The following MCRIP1 variants were observed in gnomAD, a reference collection of about 807,000 sequenced individuals.
MCRIP1 encodes MAPK regulated corepressor interacting protein 1.
In MCRIP1, 10 loss-of-function variants were observed where a neutral mutation model predicts 14.4. The ratio of observed to expected loss-of-function variants is 0.70; its 90% CI spans 0.43 to 1.18. The LOEUF (loss-of-function observed/expected upper bound fraction) is 1.18, where lower values mean the gene tolerates loss of function less well. Among genes scored for constraint, MCRIP1 ranks in the 50% most tolerant of loss-of-function variants. MCRIP1 has a pLI of 0.00. For missense variants in MCRIP1, 119 were observed against 135.4 expected, an observed-to-expected ratio of 0.88 and a Z score of 0.60; for synonymous variants, 53 against 55.7, an observed-to-expected ratio of 0.95 and a Z score of 0.21.
chr17:81,832,758 C>T lies in MCRIP1; in HGVS notation c.-49+480G>A, dbSNP rs191892075. On this transcript the variant is annotated intron_variant, in intron 1 of 4. Transcript: ENST00000455127. ...CTCCCCGTTAGGCCCAGCATCACCG[C>T]CCGGGGAGACGGGAAAGAGGGCAAG... Among the ~76,000 whole-genome samples, 921 of 152,368 alleles carry T rather than the reference C, an allele frequency of 6.0e-3. 6 individuals carry two copies. Among genetic ancestry groups the T allele is most frequent in the Non-Finnish European group, 0.01 (706 of 68,022 alleles).
chr17:81,830,715 G>C (rs751082278), intron 1 of MCRIP1, among the ~76,000 whole-genome samples: 1 of 151,164 alleles, frequency 6.6e-6, no homozygotes, highest in African/African-American at 2.4e-5. Flanking sequence ...AGACTGGCCT[G>C]GGCAACATAG....
chr17:81,825,576 C>A (rs950507389), intron 1 of MCRIP1: 14 of 1,288,976 alleles, frequency 1.1e-5, no homozygotes, highest in Non-Finnish European at 1.4e-5. Context: ...GGCTTCGAGT[C>A]CTCTCTGGCT....
rs549108795 is a variant in MCRIP1 at position 81,825,092 on chromosome 17, C to T, written c.-48-538G>A. On this transcript the variant is annotated intron_variant, in intron 1 of 4. Coordinates refer to ENST00000455127, the MANE Select transcript of MCRIP1 (RefSeq NM_207368.5). ...GGTGATCCCAGCTCCCCGGCACCTA[C>T]CCAGGTCCAGCTTCCTGGTTCCCTA... 10 of 1,013,896 alleles carry T rather than the reference C, an allele frequency of 9.9e-6. 1 individual carries two copies. The South Asian group carries it at 2.4e-4, about 24-fold the overall frequency. 62.8% of individuals were successfully genotyped at this position (1,013,896 alleles called of 1,614,324 possible).
chr17:81,829,564 C>T (rs2038478382), intron 1 of MCRIP1, among the ~76,000 whole-genome samples: 1 of 152,224 alleles, frequency 6.6e-6, no homozygotes, highest in South Asian at 2.1e-4. Flanking sequence ...CTGGGCTGCG[C>T]CTGACAATTG....
rs578206816 is a variant in MCRIP1, at chr17:81,824,198, G to T, written c.127+89C>A. On this transcript the variant is annotated intron_variant, in intron 3 of 4. Coordinates refer to ENST00000455127, the MANE Select transcript of MCRIP1 (RefSeq NM_207368.5). ...GGAGGGGCAGGGGCAGGGGCCGCAG[G>T]AGGTTCCTCGGAGCGTGGGTCCTGG... The T allele has an allele frequency of 9.8e-5, 103 of 1,052,326 alleles. 1 individual carries two copies. In the East Asian group the frequency reaches 2.6e-3, roughly 27 times the overall value. The allele number at this position is 1,052,326 out of a possible 1,614,324, so 65.2% of individuals were successfully genotyped here.
chr17:81,826,219 TTG>T (rs1567825535), intron 1 of MCRIP1: 17 of 1,522,602 alleles, frequency 1.1e-5, no homozygotes, highest in Admixed American at 7.9e-5. Context: ...TCCCTTTGCC[TTG>T]TGTGCACACA....
rs996821812 is a variant in MCRIP1, at chr17:81,822,838, C to G, written c.*409G>C. On this transcript the variant is annotated 3_prime_UTR_variant, in exon 5 of 5. Transcript: ENST00000455127. ...CCCTTGTCCTGTATCCTGACCACTT[C>G]AAGGACAAAACCAGCCCAGTCCCAG... 9.0e-6 allele frequency: 3 copies of G among 333,092 alleles called. No individual in the cohort carries two copies. The highest frequency in any genetic ancestry group is 6.3e-5 in the African/African-American group (3 of 47,332). 20.6% of individuals were successfully genotyped at this position (333,092 alleles called of 1,614,324 possible). A position where few individuals can be genotyped will look rare whatever the true frequency, so the allele number is the denominator to read the frequency against.
chr17:81,831,173 C>CAAAAA lies in MCRIP1; in HGVS notation c.-49+2060_-49+2064dup, dbSNP rs552681742. 2.6e-4 allele frequency among the ~76,000 whole-genome samples: 30 copies of CAAAAA among 114,040 alleles called. 1 individual carries two copies. The highest frequency in any genetic ancestry group is 1.0e-3 in the African/African-American group (29 of 28,660). 74.8% of individuals were successfully genotyped at this position (114,040 alleles called of 152,430 possible). ...GGCAACAGAGCAAGACTCTGTCTCT[C>CAAAAA]AAAAAAAAAAAAAAAAATTAGCCAG... On this transcript the variant is annotated intron_variant, in intron 1 of 4. Transcript: ENST00000455127.
At chr17:81,824,905 G>C in intron 1 of MCRIP1, 1 of 1,187,758 alleles carries the variant, frequency 8.4e-7, no homozygotes, top group African/African-American at 1.6e-5. Context: ...CACGTGGGCT[G>C]GTGGGGCCGT....
chr17:81,824,910 G>A (rs138726152), intron 1 of MCRIP1: 93,442 of 1,176,654 alleles, frequency 0.079, 4,271 homozygotes, highest in Non-Finnish European at 0.088. Context: ...GGGCTGGTGG[G>A]GCCGTCAGCA....
chr17:81,831,049 G>A lies in MCRIP1; in HGVS notation c.-49+2189C>T, dbSNP rs907039802. On this transcript the variant is annotated intron_variant, in intron 1 of 4. Coordinates refer to ENST00000455127, the MANE Select transcript of MCRIP1 (RefSeq NM_207368.5). ...TAGCTGGGCGTGGTGGCACATGCCT[G>A]TAGTCCCAGCTACTTGGGAAGCTAA... 3.9e-5 allele frequency among the ~76,000 whole-genome samples: 6 copies of A among 151,934 alleles called. No individual in the cohort carries two copies. In the East Asian group the frequency reaches 1.2e-3, roughly 29 times the overall value.
chr17:81,829,587 A>G (rs1445127162), intron 1 of MCRIP1, among the ~76,000 whole-genome samples: 1 of 152,202 alleles, frequency 6.6e-6, no homozygotes, highest in African/African-American at 2.4e-5. Context: ...AACACGTCAG[A>G]ATTTAACCAA....
At position 81,824,386 on chromosome 17, in the gene MCRIP1, C is replaced by G. The variant is rs754717613; in HGVS notation, c.28G>C (p.Val10Leu). The change falls in exon 3 of 5, where the codon GTG becomes CTG. Residue 10 changes from valine (V) to leucine (L), a missense_variant. Val to Leu is a conservative substitution (Grantham distance 32). Transcript: ENST00000455127. ...CTGCTGGTCCTCTTGCCGTTGTACA[C>G]GACTCTGGAGACGGGGGAGCTGGGG... MTSSPVSRVVYNGKRTSSPR... is the reference protein window; with the variant it reads MTSSPVSRVLYNGKRTSSPR... The G allele has an allele frequency of 5.2e-6, 8 of 1,535,470 alleles. No homozygotes were observed. The highest frequency in any genetic ancestry group is 2.4e-5 in the South Asian group (2 of 84,000).
intron 1 of MCRIP1, among the ~76,000 whole-genome samples, chr17:81,831,485 TAG>T (rs1376103567): frequency 6.6e-6 from 1 of 150,860 alleles, no homozygotes. Context: ...AACTGGAATG[TAG>T]AGTCAGCCCA....
chr17:81,830,106 C>T (rs915926810), intron 1 of MCRIP1, among the ~76,000 whole-genome samples: 2 of 152,108 alleles, frequency 1.3e-5, no homozygotes, highest in African/African-American at 4.8e-5. Context: ...CCTACAGGGC[C>T]TGGCCTACTG....
chr17:81,823,226 C>T lies in MCRIP1; in HGVS notation c.*21G>A, dbSNP rs1022524076. 7.8e-6 allele frequency: 12 copies of T among 1,535,502 alleles called. No homozygotes were observed. The East Asian group carries it at 2.0e-4, about 25-fold the overall frequency. ...CCTCGCACCCTGATCTTCCGGAGGCCGGGGAGGGGCACCGGGCGCTCTAGG... is the reference window on the plus strand; with the variant it reads ...CCTCGCACCCTGATCTTCCGGAGGCTGGGGAGGGGCACCGGGCGCTCTAGG... On this transcript the variant is annotated 3_prime_UTR_variant, in exon 5 of 5. Transcript: ENST00000455127. This position sits in a 1 kb window ranked among gnomAD's most constrained non-coding sequence, Gnocchi z 6.0.
chr17:81,826,623 C>T, intron 1 of MCRIP1: 3 of 510,580 alleles, frequency 5.9e-6, no homozygotes, highest in Admixed American at 3.7e-5. Flanking sequence ...AGTTTGAGAG[C>T]AGCCTGGCGA....
intron 1 of MCRIP1, among the ~76,000 whole-genome samples, chr17:81,830,520 C>T (rs1227414490): frequency 6.6e-6 from 1 of 151,912 alleles, no homozygotes; most frequent in African/African-American, 2.4e-5. Context: ...GCCTGTAATC[C>T]CAGCTACTCA....
rs573571254 is a variant in MCRIP1 at position 81,830,287 on chromosome 17, C to T, written c.-49+2951G>A. On this transcript the variant is annotated intron_variant, in intron 1 of 4. Coordinates refer to ENST00000455127, the MANE Select transcript of MCRIP1 (RefSeq NM_207368.5). ...GGTCTCTGTGGCTCCTTATCCAATA[C>T]GATGATGGACAGGACAAGCATGTGC... Among the ~76,000 whole-genome samples, 46 of 152,310 alleles carry T rather than the reference C, an allele frequency of 3.0e-4. No homozygotes were observed. The East Asian group carries it at 7.9e-3, about 26-fold the overall frequency.
Sources: allele counts gnomAD v4.1 joint callset (sites outside exome capture counted in the v4.1 genomes callset), GRCh38; gene constraint gnomAD v4.1.1; non-coding constraint Gnocchi (gnomAD v3.1); transcripts MANE v1.5; gene names NCBI Gene and HGNC (gene_info 2026-07-23, HGNC 2026-07-21).